ZNF44: variants seen among roughly 807,000 people sequenced by gnomAD.
The protein encoded by ZNF44 is zinc finger protein 44, also known as gonadotropin inducible transcription repressor-2.
ZNF44 carries 9 observed loss-of-function variants against 11.7 expected under a neutral mutation model. That is an observed-to-expected ratio of 0.77 (90% CI 0.46 to 1.35). The LOEUF is 1.35. Ranked by LOEUF, ZNF44 falls within the 40% of genes most tolerant of loss-of-function variation. The probability of loss-of-function intolerance (pLI) is 0.00; values close to 1 mark genes in which losing one functional copy is unlikely to be tolerated. For missense variants in ZNF44, 696 were observed against 743.1 expected (o/e 0.94, Z 0.74); for synonymous variants, 224 against 242.7 (o/e 0.92, Z 0.72).
rs780295580 is a variant in ZNF44 at position 12,272,745 on chromosome 19, A to G, written c.1510T>C (p.Tyr504His). The G allele has an allele frequency of 6.2e-7, 1 of 1,613,630 alleles. No individual in the cohort carries two copies. Among genetic ancestry groups the G allele is most frequent in the Admixed American group, 1.7e-5 (1 of 60,010 alleles). Residue 504 changes from tyrosine (Y) to histidine (H), a missense_variant, in exon 4 of 4, where the codon TAT becomes CAT. Physicochemically the swap from Tyr to His is moderately conservative, Grantham distance 83. Transcript: ENST00000355684. ...HERTHSEEKS[Y>H]ECQICGKAFS... is the part of the protein sequence containing the mutation. ...GCTTTGCCACAAATTTGACACTCATAAGATTTTTCTTCACTGTGAGTCCTT... is the reference window on the plus strand; with the variant it reads ...GCTTTGCCACAAATTTGACACTCATGAGATTTTTCTTCACTGTGAGTCCTT...
intron 5 of ZNF44, among the ~76,000 whole-genome samples, chr19:12,259,320 C>T (rs1568433472): frequency 6.6e-6 from 1 of 152,126 alleles, no homozygotes; most frequent in Non-Finnish European, 1.5e-5. Context: ...TATCAGGATA[C>T]CTTCATTAAA....
chr19:12,258,315 G>C (rs113348516), intron 5 of ZNF44, among the ~76,000 whole-genome samples: 25,975 of 120,678 alleles, frequency 0.22, 2,543 homozygotes, highest in East Asian at 0.32. Context: ...GTGGGCAACA[G>C]AGTGAGATCT....
intron 3 of ZNF44, among the ~76,000 whole-genome samples, chr19:12,274,509 G>A (rs764038182): frequency 1.3e-5 from 2 of 151,248 alleles, no homozygotes; most frequent in Admixed American, 6.6e-5. Context: ...TCCTGACCTC[G>A]TGGATCCACC....
chr19:12,287,477 G>A (rs992228895), intron 1 of ZNF44, among the ~76,000 whole-genome samples: 8 of 152,114 alleles, frequency 5.3e-5, no homozygotes, highest in African/African-American at 1.7e-4. Flanking sequence ...GCCTCCCAAA[G>A]TGCTGGGATT....
intron 3 of ZNF44, among the ~76,000 whole-genome samples, chr19:12,226,939 G>C (rs556443565): frequency 6.6e-6 from 1 of 152,044 alleles, no homozygotes; most frequent in Non-Finnish European, 1.5e-5. Flanking sequence ...GGTGGCGAAC[G>C]CCTGTAATCC....
In ZNF44 at chr19:12,284,815, G is replaced by A; in HGVS notation, c.4-8733C>T. The A allele has an allele frequency of 5.9e-6, 7 of 1,192,822 alleles. No individual in the cohort carries two copies. In the South Asian group the frequency reaches 7.9e-5, roughly 13 times the overall value. 73.9% of individuals were successfully genotyped at this position (1,192,822 alleles called of 1,614,324 possible). A position where few individuals can be genotyped will look rare whatever the true frequency, so the allele number is the denominator to read the frequency against. On this transcript the variant is annotated intron_variant, in intron 1 of 3. Transcript: ENST00000355684. ...GTCCTCGTGCGCAGAGGCTACTGGG[G>A]GAACAAGATCGGCAAGCCCCACACC...
intron 1 of ZNF44, among the ~76,000 whole-genome samples, chr19:12,284,010 G>A (rs917447213): frequency 2.6e-5 from 4 of 152,232 alleles, no homozygotes; most frequent in Non-Finnish European, 5.9e-5. Flanking sequence ...TTTAGGAAGA[G>A]TTCATCTAAG....
chr19:12,270,476 G>A (rs770209739), downstream of ZNF44, among the ~76,000 whole-genome samples: 1 of 150,890 alleles, frequency 6.6e-6, no homozygotes, highest in Non-Finnish European at 1.5e-5. Context: ...TCTTGAGACC[G>A]AGTCTCACTC....
downstream of ZNF44, among the ~76,000 whole-genome samples, chr19:12,271,428 A>G (rs1001629610): frequency 6.6e-6 from 1 of 152,196 alleles, no homozygotes; most frequent in Non-Finnish European, 1.5e-5. Context: ...CAACATCTTC[A>G]ATCAGAACCT....
At chr19:12,239,517 A>C (rs2145682895), upstream of ZNF44, among the ~76,000 whole-genome samples, 1 of 150,310 alleles carries the variant, frequency 6.7e-6, no homozygotes. Flanking sequence ...CAGCCTCCCA[A>C]AATGCTGGGC....
chr19:12,280,317 C>G (rs1967421675), intron 1 of ZNF44, among the ~76,000 whole-genome samples: 1 of 152,128 alleles, frequency 6.6e-6, no homozygotes, highest in Non-Finnish European at 1.5e-5. Flanking sequence ...GGAGGAAGAA[C>G]AGTCTATCAC....
chr19:12,294,565 G>A, intron 1 of ZNF44, 127 bp downstream of exon 1: 1 of 1,312,940 alleles, frequency 7.6e-7, no homozygotes, highest in Non-Finnish European at 1.0e-6. Flanking sequence ...ACCGAGGTGC[G>A]CAGGGGGCGC....
exon 4 of ZNF44, chr19:12,226,323 A>C (rs1915916877): frequency 6.6e-6 from 1 of 152,176 alleles, no homozygotes; most frequent in Admixed American, 6.6e-5. Context: ...TGAGGTTCTA[A>C]GATAACTTGG....
In ZNF44 at chr19:12,292,855, GTTTTTTTTTTT is replaced by G. The variant is rs71166664; in HGVS notation, c.3+1826_3+1836del. 5.2e-5 allele frequency among the ~76,000 whole-genome samples: 4 copies of G among 76,916 alleles called. No homozygotes were observed. The South Asian group carries it at 1.7e-3, about 32-fold the overall frequency. The allele number at this position is 76,916 out of a possible 152,430, so 50.5% of individuals were successfully genotyped here. A position where few individuals can be genotyped will look rare whatever the true frequency, so the allele number is the denominator to read the frequency against. On this transcript the variant is annotated intron_variant, in intron 1 of 3. Coordinates refer to ENST00000355684, the MANE Select transcript of ZNF44 (RefSeq NM_016264.4). ...AAAATGTCAATGTCCCAGAGGTTAG[GTTTTTTTTTTT>G]TTTTTTTTTTTTTTGAGACAGAGTT...
downstream of ZNF44, among the ~76,000 whole-genome samples, chr19:12,268,685 G>A (rs981088643): frequency 1.3e-5 from 2 of 151,528 alleles, no homozygotes; most frequent in African/African-American, 4.9e-5. Context: ...CTGGGTTCAA[G>A]TTATCCTCCC....
chr19:12,286,944 A>T (rs550608220), intron 1 of ZNF44, among the ~76,000 whole-genome samples: 299 of 152,078 alleles, frequency 2.0e-3, no homozygotes, highest in Non-Finnish European at 3.3e-3. Flanking sequence ...AAATAAAAAA[A>T]AAATCATTGG....
chr19:12,268,145 GACAC>G (rs71166661), downstream of ZNF44, among the ~76,000 whole-genome samples: 26,571 of 136,708 alleles, frequency 0.19, 3,017 homozygotes, highest in Non-Finnish European at 0.26. Flanking sequence ...CACACACACA[GACAC>G]ACACACACAC....
intron 1 of ZNF44, among the ~76,000 whole-genome samples, chr19:12,287,032 C>T (rs117940474): frequency 0.024 from 3,283 of 135,000 alleles, 46 homozygotes; most frequent in Non-Finnish European, 0.035. Context: ...TATATATATA[C>T]ACACACACAC....
At chr19:12,249,906 TA>T in intron 7 of ZNF44, 1 of 1,061,476 alleles carries the variant, frequency 9.4e-7, no homozygotes, top group Non-Finnish European at 1.2e-6. Context: ...TTTGTTTCTT[TA>T]ATTATCAAAT....
Sources: allele counts gnomAD v4.1 joint callset (sites outside exome capture counted in the v4.1 genomes callset), GRCh38; gene constraint gnomAD v4.1.1; transcripts MANE v1.5; gene names NCBI Gene and HGNC (gene_info 2026-07-23, HGNC 2026-07-21).